The following LDAH variants were observed in gnomAD, a reference collection of about 807,000 sequenced individuals.
The protein encoded by LDAH is lipid droplet associated hydrolase, also known as lipid droplet-associated hydrolase.
Under a neutral mutation model 29.6 loss-of-function variants are expected in LDAH, and 26 were observed. That is an observed-to-expected ratio of 0.88 (90% CI 0.64 to 1.22). LDAH has a LOEUF of 1.22. Ranked by LOEUF, LDAH falls within the 50% of genes most tolerant of loss-of-function variation. LDAH has a pLI of 0.00. For missense variants in LDAH, 344 were observed against 387.3 expected (o/e 0.89, Z 0.94); for synonymous variants, 117 against 133.0 (o/e 0.88, Z 0.83).
chr2:20,701,692 T>C (rs780896732), intron 5 of LDAH, 40 bp from the exon 6 acceptor site: 12 of 1,516,342 alleles, frequency 7.9e-6, no homozygotes, highest in Non-Finnish European at 1.0e-5. Context: ...TTAGAATATA[T>C]AGAACAAACA....
chr2:20,772,225 TTAAGTTAA>T (rs1248230254), intron 4 of LDAH, among the ~76,000 whole-genome samples: 1 of 152,204 alleles, frequency 6.6e-6, no homozygotes, highest in African/African-American at 2.4e-5. Flanking sequence ...AGATCTGTGA[TTAAGTTAA>T]TAATAGTCTG....
At chr2:20,707,783 A>G (rs1284432524) in intron 5 of LDAH, among the ~76,000 whole-genome samples, 1 of 152,222 alleles carries the variant, frequency 6.6e-6, no homozygotes, top group East Asian at 1.9e-4. Context: ...CTAGAGCAGC[A>G]CCAGTACTGT....
intron 4 of LDAH, among the ~76,000 whole-genome samples, chr2:20,772,953 C>A (rs1350185754): frequency 6.6e-6 from 1 of 152,182 alleles, no homozygotes; most frequent in Non-Finnish European, 1.5e-5. Flanking sequence ...TTGGGAGAGA[C>A]CCTGAAGCAG....
chr2:20,742,722 C>G (rs775351524), intron 4 of LDAH, among the ~76,000 whole-genome samples: 6 of 151,574 alleles, frequency 4.0e-5, no homozygotes, highest in African/African-American at 1.5e-4. Flanking sequence ...AAACAACATA[C>G]AGTTGAGTCT....
chr2:20,726,185 G>A (rs1012079577), intron 5 of LDAH, among the ~76,000 whole-genome samples: 4 of 152,232 alleles, frequency 2.6e-5, no homozygotes, highest in South Asian at 4.1e-4. Flanking sequence ...TGGTACTTGA[G>A]TGGGGGAGAA....
At chr2:20,707,536 T>C (rs1664398021) in intron 5 of LDAH, among the ~76,000 whole-genome samples, 1 of 152,154 alleles carries the variant, frequency 6.6e-6, no homozygotes, top group South Asian at 2.1e-4. Context: ...GCAGTGGTTT[T>C]TGGTAGGGCA....
At chr2:20,786,570 A>G (rs1278819539) in intron 3 of LDAH, among the ~76,000 whole-genome samples, 1 of 151,444 alleles carries the variant, frequency 6.6e-6, no homozygotes, top group African/African-American at 2.4e-5. Context: ...TTTTTCCTCC[A>G]TTGCCTTTGG....
intron 4 of LDAH, among the ~76,000 whole-genome samples, chr2:20,771,509 A>G (rs1474767985): frequency 6.6e-6 from 1 of 152,236 alleles, no homozygotes; most frequent in African/African-American, 2.4e-5. Context: ...TCTTAAATGG[A>G]GCATGTCATG....
rs116529271 is a variant in LDAH at position 20,727,150 on chromosome 2, G to A, written c.703+12821C>T. ...CTCAGCACTGTGGGAGGCCAAGGTCGAGGACTGCTTGAGGCCTGGAGTTTG... is the reference window on the plus strand; with the variant it reads ...CTCAGCACTGTGGGAGGCCAAGGTCAAGGACTGCTTGAGGCCTGGAGTTTG... On this transcript the variant is annotated intron_variant, in intron 5 of 6. Transcript: ENST00000237822. Among the ~76,000 whole-genome samples, 1,071 of 152,292 alleles carry A rather than the reference G, an allele frequency of 7.0e-3. 11 individuals carry two copies. The highest frequency in any genetic ancestry group is 0.025 in the African/African-American group (1,022 of 41,560).
intron 5 of LDAH, among the ~76,000 whole-genome samples, chr2:20,724,383 A>G (rs1665870463): frequency 6.6e-6 from 1 of 152,214 alleles, no homozygotes; most frequent in Non-Finnish European, 1.5e-5. Context: ...CAGGAACTAT[A>G]TTTCATTCAT....
intron 6 of LDAH, among the ~76,000 whole-genome samples, chr2:20,693,906 A>C (rs1663225319): frequency 6.6e-6 from 1 of 152,274 alleles, no homozygotes; most frequent in South Asian, 2.1e-4. Flanking sequence ...AGAGACAGTG[A>C]CCAAAGAGGA....
chr2:20,713,232 A>G (rs1361377003), intron 5 of LDAH, among the ~76,000 whole-genome samples: 1 of 152,236 alleles, frequency 6.6e-6, no homozygotes, highest in Non-Finnish European at 1.5e-5. Context: ...GGGGGCCAAT[A>G]TTCAACATTC....
chr2:20,750,852 T>C (rs1667921476), intron 4 of LDAH, among the ~76,000 whole-genome samples: 1 of 152,208 alleles, frequency 6.6e-6, no homozygotes, highest in South Asian at 2.1e-4. Flanking sequence ...ATCATGTCCT[T>C]TGCAGCAACA....
chr2:20,739,170 G>A (rs979293453), intron 5 of LDAH, among the ~76,000 whole-genome samples: 12 of 152,152 alleles, frequency 7.9e-5, no homozygotes, highest in Non-Finnish European at 1.2e-4. Context: ...ACAGGTAAAA[G>A]CTTAGAAAGT....
Position 20,684,931 on chromosome 2 carries a change from A to G in LDAH, c.*1972T>C, listed in dbSNP as rs1214769215. 1 of 1,550,016 alleles carries G rather than the reference A, an allele frequency of 6.5e-7. No homozygotes were observed. On this transcript the variant is annotated 3_prime_UTR_variant, in exon 7 of 7. Coordinates refer to ENST00000237822, the MANE Select transcript of LDAH (RefSeq NM_021925.4). ...GAAATCTGATTCTTCCACCTATGAA[A>G]AAAGCAATGAGAAAGGTGGCTTTTC...
At chr2:20,760,599 C>G (rs981712776) in intron 4 of LDAH, among the ~76,000 whole-genome samples, 1 of 152,138 alleles carries the variant, frequency 6.6e-6, no homozygotes, top group African/African-American at 2.4e-5. Context: ...AGTGTAGCAT[C>G]AAGGATTTCA....
chr2:20,739,910 G>GTATTGTGTAA, intron 5 of LDAH, 61 bp downstream of exon 5: 1 of 1,294,758 alleles, frequency 7.7e-7, no homozygotes, highest in Admixed American at 1.8e-5. Context: ...CTGTCAGAGA[G>GTATTGTGTAA]TATTGTGTAA....
Position 20,690,068 on chromosome 2 carries a change from T to C in LDAH, c.787-2974A>G, listed in dbSNP as rs578147851. The stretch of plus-strand genomic sequence containing the variant: ...GAACGTACCATTTACTTTTCTGTGA[T>C]GCAATTACAACTTGAAATGTTTCCA... On this transcript the variant is annotated intron_variant, in intron 6 of 6. Coordinates refer to ENST00000237822, the MANE Select transcript of LDAH (RefSeq NM_021925.4). 1.5e-3 allele frequency among the ~76,000 whole-genome samples: 234 copies of C among 152,346 alleles called. 2 individuals carry two copies. The highest frequency in any genetic ancestry group is 5.4e-3 in the African/African-American group (224 of 41,580).
intron 4 of LDAH, among the ~76,000 whole-genome samples, chr2:20,769,653 A>C (rs1669271288): frequency 6.6e-6 from 1 of 152,168 alleles, no homozygotes; most frequent in Admixed American, 6.6e-5. Context: ...TCTTTTAGTA[A>C]AGTTTTGCAA....
Sources: allele counts gnomAD v4.1 joint callset (sites outside exome capture counted in the v4.1 genomes callset), GRCh38; gene constraint gnomAD v4.1.1; transcripts MANE v1.5; gene names NCBI Gene and HGNC (gene_info 2026-07-23, HGNC 2026-07-21).